The following RAD51B variants were observed in gnomAD, a reference collection of about 807,000 sequenced individuals.
The protein encoded by RAD51B is DNA repair protein RAD51 homolog 2.
A neutral mutation model predicts 42.2 loss-of-function variants in RAD51B; 38 were observed. That is an observed-to-expected ratio of 0.90 (90% CI 0.70 to 1.18). The LOEUF (loss-of-function observed/expected upper bound fraction) is 1.18, where lower values mean the gene tolerates loss of function less well. RAD51B is among the 50% of genes most tolerant of loss of function. The probability of loss-of-function intolerance (pLI) is 0.00; values close to 1 mark genes in which losing one functional copy is unlikely to be tolerated. For missense variants in RAD51B, 373 were observed against 400.7 expected, an observed-to-expected ratio of 0.93 and a Z score of 0.59; for synonymous variants, 154 against 145.2, an observed-to-expected ratio of 1.06 and a Z score of -0.43.
At chr14:68,228,944 C>T (rs1320280415) in intron 7 of RAD51B, among the ~76,000 whole-genome samples, 1 of 151,878 alleles carries the variant, frequency 6.6e-6, no homozygotes, top group African/African-American at 2.4e-5. Flanking sequence ...AGTGACTCAT[C>T]TGGGACCCTA....
At chr14:68,641,986 T>C (rs1892471950) in intron 10 of RAD51B, among the ~76,000 whole-genome samples, 1 of 152,146 alleles carries the variant, frequency 6.6e-6, no homozygotes, top group African/African-American at 2.4e-5. Flanking sequence ...TTTTTATACA[T>C]TGTTGGATTG....
intron 10 of RAD51B, among the ~76,000 whole-genome samples, chr14:68,580,607 T>G (rs919789129): frequency 6.6e-6 from 1 of 152,198 alleles, no homozygotes; most frequent in African/African-American, 2.4e-5. Flanking sequence ...TCACCTCCAC[T>G]GATTTTGTTC....
intron 10 of RAD51B, among the ~76,000 whole-genome samples, chr14:68,528,292 C>G (rs959620632): frequency 6.6e-6 from 1 of 152,158 alleles, no homozygotes; most frequent in Non-Finnish European, 1.5e-5. Flanking sequence ...TGCCAGGAAG[C>G]CTTAAACAAA....
chr14:67,931,787 A>G (rs2044748368), intron 7 of RAD51B, among the ~76,000 whole-genome samples: 2 of 152,062 alleles, frequency 1.3e-5, no homozygotes, highest in South Asian at 4.1e-4. Context: ...ATAGGCGTGA[A>G]TCACAGTGCC....
intron 8 of RAD51B, among the ~76,000 whole-genome samples, chr14:68,337,216 G>T (rs1474089875): frequency 6.6e-6 from 1 of 151,912 alleles, no homozygotes; most frequent in African/African-American, 2.4e-5. Flanking sequence ...ATTTTTGTTG[G>T]TGCCTATCCT....
chr14:68,134,559 C>T (rs1180600748), intron 7 of RAD51B, among the ~76,000 whole-genome samples: 1 of 152,076 alleles, frequency 6.6e-6, no homozygotes, highest in Non-Finnish European at 1.5e-5. Flanking sequence ...TACATTTCCA[C>T]CAGCAGTGTA....
intron 9 of RAD51B, among the ~76,000 whole-genome samples, chr14:68,436,684 C>G (rs1220458564): frequency 6.6e-6 from 1 of 152,110 alleles, no homozygotes; most frequent in Non-Finnish European, 1.5e-5. Context: ...GGGATCCTCT[C>G]TGATTTCTTT....
intron 10 of RAD51B, among the ~76,000 whole-genome samples, chr14:68,492,905 T>G (rs1360120683): frequency 6.6e-6 from 1 of 152,176 alleles, no homozygotes; most frequent in East Asian, 1.9e-4. Flanking sequence ...GGCCCAAGAT[T>G]CAGATTTAGA....
At chr14:68,136,544 C>T (rs867451810) in intron 7 of RAD51B, among the ~76,000 whole-genome samples, 2 of 36,436 alleles carry the variant, frequency 5.5e-5, no homozygotes, top group African/African-American at 1.3e-4. Context: ...CACCACTGCA[C>T]TGTAGTGTGG....
intron 7 of RAD51B, among the ~76,000 whole-genome samples, chr14:67,942,232 A>G (rs1202818687): frequency 2.6e-5 from 4 of 152,170 alleles, no homozygotes; most frequent in African/African-American, 4.8e-5. Context: ...GGATGAGACA[A>G]CTAACTAGGA....
chr14:68,439,957 C>T (rs1243992547), intron 9 of RAD51B, among the ~76,000 whole-genome samples: 1 of 152,188 alleles, frequency 6.6e-6, no homozygotes, highest in Non-Finnish European at 1.5e-5. Context: ...AGTTGGCATT[C>T]TCTGAATGCC....
At chr14:68,524,724 C>T (rs545390897) in intron 10 of RAD51B, among the ~76,000 whole-genome samples, 1 of 152,326 alleles carries the variant, frequency 6.6e-6, no homozygotes, top group South Asian at 2.1e-4. Context: ...TTTTTAGGTT[C>T]TGACAGGGAG....
At chr14:67,936,250 T>C (rs1311846788) in intron 7 of RAD51B, among the ~76,000 whole-genome samples, 1 of 152,184 alleles carries the variant, frequency 6.6e-6, no homozygotes, top group Non-Finnish European at 1.5e-5. Flanking sequence ...ACTCTCTCAC[T>C]CTGCATTTCC....
intron 7 of RAD51B, among the ~76,000 whole-genome samples, chr14:68,182,577 G>A (rs1017244147): frequency 4.7e-5 from 7 of 149,202 alleles, no homozygotes; most frequent in African/African-American, 1.0e-4. Flanking sequence ...ATGCATACAC[G>A]TGTGTGTGTG....
At chr14:68,052,608 G>T (rs563452145) in intron 7 of RAD51B, among the ~76,000 whole-genome samples, 1 of 147,458 alleles carries the variant, frequency 6.8e-6, no homozygotes, top group Non-Finnish European at 1.5e-5. Flanking sequence ...TCACTTCCAT[G>T]ACTTCTTCTT....
intron 7 of RAD51B, among the ~76,000 whole-genome samples, chr14:68,077,585 C>A (rs986235922): frequency 6.6e-6 from 1 of 152,202 alleles, no homozygotes; most frequent in Non-Finnish European, 1.5e-5. Flanking sequence ...ACTCCGAGAA[C>A]AAAACCCCAA....
intron 10 of RAD51B, among the ~76,000 whole-genome samples, chr14:68,617,225 G>A (rs1256951472): frequency 6.6e-6 from 1 of 152,172 alleles, no homozygotes; most frequent in Non-Finnish European, 1.5e-5. Context: ...TTATCCAGCA[G>A]GCAGTTACTT....
chr14:68,528,945 A>G (rs958441646), intron 10 of RAD51B, among the ~76,000 whole-genome samples: 1 of 152,244 alleles, frequency 6.6e-6, no homozygotes, highest in Admixed American at 6.5e-5. Context: ...ATAAGTCTGC[A>G]GAAGAAACCC....
At chr14:68,371,005 C>G (rs1304911260) in intron 8 of RAD51B, among the ~76,000 whole-genome samples, 1 of 130,138 alleles carries the variant, frequency 7.7e-6, no homozygotes, top group African/African-American at 3.0e-5. Context: ...CTGCTGCACT[C>G]CAGCCTGGGC....
Sources: allele counts gnomAD v4.1 joint callset (sites outside exome capture counted in the v4.1 genomes callset), GRCh38; gene constraint gnomAD v4.1.1; transcripts MANE v1.5; gene names NCBI Gene and HGNC (gene_info 2026-07-23, HGNC 2026-07-21).